The following KCNH8 variants were observed in gnomAD, a reference collection of about 807,000 sequenced individuals.
KCNH8 encodes the protein potassium voltage-gated channel subfamily H member 8.
A neutral mutation model predicts 103.6 loss-of-function variants in KCNH8; 70 were observed. That is an observed-to-expected ratio of 0.68 (90% CI 0.56 to 0.82). The LOEUF (loss-of-function observed/expected upper bound fraction) is 0.82. Among genes scored for constraint, KCNH8 ranks in the 40% least tolerant of loss-of-function variants. KCNH8 has a pLI of 0.00. For missense variants in KCNH8, 1,217 were observed against 1,329.9 expected (o/e 0.92, Z 1.32); for synonymous variants, 498 against 489.4 (o/e 1.02, Z -0.23).
chr3:19,383,661 A>G (rs943726355), intron 5 of KCNH8, among the ~76,000 whole-genome samples: 1 of 152,144 alleles, frequency 6.6e-6, no homozygotes. Context: ...GTGTGAGCCA[A>G]TGCACCCAGC....
intron 2 of KCNH8, among the ~76,000 whole-genome samples, chr3:19,254,176 G>A (rs2064316736): frequency 1.3e-5 from 2 of 151,700 alleles, no homozygotes; most frequent in South Asian, 2.1e-4. Flanking sequence ...ATTATATTTT[G>A]GTAATTCTTA....
At chr3:19,216,358 T>C (rs1161836130) in intron 1 of KCNH8, among the ~76,000 whole-genome samples, 1 of 152,234 alleles carries the variant, frequency 6.6e-6, no homozygotes, top group South Asian at 2.1e-4. Flanking sequence ...GAAATTCATG[T>C]GTATTTTGCA....
At chr3:19,460,104 C>A (rs2067598867) in intron 11 of KCNH8, among the ~76,000 whole-genome samples, 1 of 152,034 alleles carries the variant, frequency 6.6e-6, no homozygotes. Context: ...ATAAGATTTT[C>A]TTTTCACAGG....
At chr3:19,320,989 C>G (rs12632920) in intron 3 of KCNH8, among the ~76,000 whole-genome samples, 16,915 of 151,736 alleles carry the variant, frequency 0.11, 1,096 homozygotes, top group East Asian at 0.18. Flanking sequence ...TTCATAGTAG[C>G]CTTGAATGAT....
chr3:19,380,460 G>A (rs2066273514), intron 5 of KCNH8, among the ~76,000 whole-genome samples: 1 of 152,044 alleles, frequency 6.6e-6, no homozygotes, highest in African/African-American at 2.4e-5. Flanking sequence ...CTCAATTCTT[G>A]TTATTTCTTA....
intron 3 of KCNH8, among the ~76,000 whole-genome samples, chr3:19,288,117 A>T (rs2064859428): frequency 6.7e-6 from 1 of 149,858 alleles, no homozygotes. Flanking sequence ...CTTCCCTTAA[A>T]ACACTCTATT....
rs796320628 is a variant in KCNH8 at position 19,429,435 on chromosome 3, A to G, written c.1178-8729A>G. Reference sequence around the variant, plus strand: ...GTGATCCGCCCGCCTCGGCCTCCCAAAGTGCTGGGATTACAGGCGTGAGCC... The same window carrying G: ...GTGATCCGCCCGCCTCGGCCTCCCAGAGTGCTGGGATTACAGGCGTGAGCC... On this transcript the variant is annotated intron_variant, in intron 7 of 15. Coordinates refer to ENST00000328405, the MANE Select transcript of KCNH8 (RefSeq NM_144633.3). Among the ~76,000 whole-genome samples, 41 of 152,130 alleles carry G rather than the reference A, an allele frequency of 2.7e-4. 1 individual carries two copies. The highest frequency in any genetic ancestry group is 8.7e-4 in the African/African-American group (36 of 41,518).
intron 1 of KCNH8, among the ~76,000 whole-genome samples, chr3:19,198,726 C>A (rs566281485): frequency 5.1e-4 from 77 of 152,116 alleles, no homozygotes; most frequent in African/African-American, 1.5e-3. Context: ...ACCCACTCCC[C>A]ACTGATGTTT....
At chr3:19,401,044 T>G in intron 7 of KCNH8, among the ~76,000 whole-genome samples, 1 of 151,946 alleles carries the variant, frequency 6.6e-6, no homozygotes, top group East Asian at 1.9e-4. Context: ...AAGTGGACAC[T>G]AGTGAAGGAC....
chr3:19,399,889 G>A (rs1479070158), intron 7 of KCNH8, among the ~76,000 whole-genome samples: 1 of 151,684 alleles, frequency 6.6e-6, no homozygotes, highest in Admixed American at 6.6e-5. Context: ...CTCAGAATTA[G>A]AAGGATACAA....
intron 2 of KCNH8, among the ~76,000 whole-genome samples, chr3:19,271,313 T>C (rs1366334825): frequency 6.6e-6 from 1 of 152,172 alleles, no homozygotes; most frequent in Non-Finnish European, 1.5e-5. Flanking sequence ...TCATCATCTT[T>C]AAGATCTTTT....
intron 11 of KCNH8, among the ~76,000 whole-genome samples, chr3:19,491,218 C>T (rs1160612728): frequency 6.6e-6 from 1 of 151,962 alleles, no homozygotes; most frequent in Non-Finnish European, 1.5e-5. Context: ...AAAAAATGTT[C>T]AGCCTTTATT....
chr3:19,481,800 T>C (rs2125214691), intron 11 of KCNH8, among the ~76,000 whole-genome samples: 1 of 152,322 alleles, frequency 6.6e-6, no homozygotes, highest in South Asian at 2.1e-4. Context: ...AGTAACAGCA[T>C]TAACTGCTGG....
chr3:19,493,540 T>C (rs1183934448), intron 11 of KCNH8, among the ~76,000 whole-genome samples: 1 of 152,156 alleles, frequency 6.6e-6, no homozygotes, highest in Non-Finnish European at 1.5e-5. Context: ...ATTGTAGGTT[T>C]TCTGAGGCCT....
At chr3:19,507,936 C>T (rs531435371) in intron 11 of KCNH8, among the ~76,000 whole-genome samples, 36 of 152,172 alleles carry the variant, frequency 2.4e-4, no homozygotes, top group Non-Finnish European at 4.6e-4. Context: ...GTATATTCCT[C>T]TGATGACTAA....
At chr3:19,269,898 G>T (rs1465344694) in intron 2 of KCNH8, among the ~76,000 whole-genome samples, 1 of 152,094 alleles carries the variant, frequency 6.6e-6, no homozygotes, top group Non-Finnish European at 1.5e-5. Flanking sequence ...AAACAGTGTT[G>T]TCTGATTGGA....
intron 11 of KCNH8, among the ~76,000 whole-genome samples, chr3:19,502,999 A>G (rs1318866544): frequency 8.6e-5 from 13 of 151,930 alleles, no homozygotes; most frequent in African/African-American, 3.1e-4. Context: ...CAACCTACAA[A>G]ATGGGAGAAA....
chr3:19,472,982 T>C (rs1022412659), intron 11 of KCNH8, among the ~76,000 whole-genome samples: 12 of 152,212 alleles, frequency 7.9e-5, no homozygotes, highest in African/African-American at 2.2e-4. Flanking sequence ...TATTACCTTA[T>C]TTAATTTAAC....
intron 11 of KCNH8, among the ~76,000 whole-genome samples, chr3:19,500,376 A>G (rs1410957417): frequency 2.0e-5 from 3 of 152,174 alleles, no homozygotes; most frequent in Non-Finnish European, 4.4e-5. Context: ...AGACAGATCA[A>G]TGAGACAGAA....
Sources: gnomAD v4.1 joint callset for allele counts (sites outside exome capture counted in the v4.1 genomes callset) on GRCh38, gnomAD v4.1.1 for gene constraint, MANE v1.5 for transcripts, NCBI Gene and HGNC (gene_info 2026-07-23, HGNC 2026-07-21) for gene names.